Variants in PBLD observed in about 807,000 individuals in gnomAD.
PBLD encodes the protein phenazine biosynthesis-like domain-containing protein.
In PBLD, 26 loss-of-function variants were observed where a neutral mutation model predicts 31.3. The observed-to-expected ratio is 0.83, with a 90% CI of 0.61 to 1.15. PBLD has a LOEUF of 1.15. PBLD is among the 50% of genes most tolerant of loss of function. PBLD has a pLI of 0.00. For synonymous variants in PBLD, 114 were observed against 129.0 expected, an observed-to-expected ratio of 0.88 and a Z score of 0.79; for missense variants, 307 against 351.7, an observed-to-expected ratio of 0.87 and a Z score of 1.02.
At chr10:68,295,079 G>C (rs1017601095) in intron 4 of PBLD, among the ~76,000 whole-genome samples, 4 of 152,114 alleles carry the variant, frequency 2.6e-5, no homozygotes, top group African/African-American at 9.7e-5. Context: ...ACAAGGCCCT[G>C]ATCTTTGTCC....
intron 1 of PBLD, among the ~76,000 whole-genome samples, chr10:68,316,585 A>G (rs2134512365): frequency 6.6e-6 from 1 of 152,322 alleles, no homozygotes; most frequent in Non-Finnish European, 1.5e-5. Context: ...GAAGAAATAA[A>G]TGGTCAAAAA....
chr10:68,296,127 G>A lies in PBLD; in HGVS notation c.283+139C>T, dbSNP rs1589652826. On this transcript the variant is annotated intron_variant, in intron 4 of 9. Transcript: ENST00000358769. ...ATTGAAGGTCGCTGGTTTTGTTTCTGCATTATGAATAGCATGAAGTAAACT... is the reference window on the plus strand; with the variant it reads ...ATTGAAGGTCGCTGGTTTTGTTTCTACATTATGAATAGCATGAAGTAAACT... 6.8e-6 allele frequency: 4 copies of A among 584,842 alleles called. No homozygotes were observed. The East Asian group carries it at 1.2e-4, about 17-fold the overall frequency. 36.2% of individuals were successfully genotyped at this position (584,842 alleles called of 1,614,324 possible). A position where few individuals can be genotyped will look rare whatever the true frequency, so the allele number is the denominator to read the frequency against.
chr10:68,320,210 A>T (rs1351420905), intron 1 of PBLD, among the ~76,000 whole-genome samples: 2 of 152,224 alleles, frequency 1.3e-5, no homozygotes, highest in Non-Finnish European at 2.9e-5. Context: ...ACCAAAAGAG[A>T]GCTGGAGCAG....
chr10:68,286,024 T>C (rs995774784), intron 8 of PBLD, among the ~76,000 whole-genome samples: 1 of 152,106 alleles, frequency 6.6e-6, no homozygotes, highest in African/African-American at 2.4e-5. Context: ...GTTTTAATTC[T>C]TGTCTTGTCT....
intron 2 of PBLD, among the ~76,000 whole-genome samples, chr10:68,299,947 G>A (rs2044483431): frequency 6.6e-6 from 1 of 151,916 alleles, no homozygotes; most frequent in Non-Finnish European, 1.5e-5. Context: ...CTAGAGTGCA[G>A]TGGCACTGTC....
At chr10:68,301,533 A>G (rs2044506102) in intron 2 of PBLD, among the ~76,000 whole-genome samples, 5 of 152,218 alleles carry the variant, frequency 3.3e-5, no homozygotes, top group Admixed American at 3.3e-4. Context: ...CACAAGTCTC[A>G]GTGGTAATCG....
intron 2 of PBLD, 153 bp from the exon 3 acceptor site, chr10:68,297,138 TA>T: frequency 3.1e-6 from 2 of 647,676 alleles, no homozygotes; most frequent in South Asian, 1.9e-5. Context: ...GGCACTTTTA[TA>T]AAGATTGGTT....
intron 1 of PBLD, among the ~76,000 whole-genome samples, chr10:68,308,306 T>G (rs1017673679): frequency 6.6e-6 from 1 of 152,232 alleles, no homozygotes; most frequent in Non-Finnish European, 1.5e-5. Context: ...ATTTTTCACT[T>G]GTAAAGATAA....
chr10:68,307,059 T>C (rs1486110006), intron 1 of PBLD, among the ~76,000 whole-genome samples, 156 bp from the exon 2 acceptor site: 1 of 152,138 alleles, frequency 6.6e-6, no homozygotes, highest in East Asian at 1.9e-4. Flanking sequence ...GATGGAGTCT[T>C]GCTCTGTTGC....
chr10:68,293,183 T>C (rs2044382081), intron 4 of PBLD, among the ~76,000 whole-genome samples: 1 of 152,210 alleles, frequency 6.6e-6, no homozygotes, highest in Non-Finnish European at 1.5e-5. Flanking sequence ...ATACAGATTT[T>C]AAAATATCCA....
chr10:68,283,983 GTGATCCAC>G lies in PBLD; in HGVS notation c.*186_*193del, dbSNP rs1201587393. On this transcript the variant is annotated 3_prime_UTR_variant, in exon 10 of 10. Transcript: ENST00000358769. ...GCTGGTGTCGAACCCCTGACCTCAGGTGATCCACCCACCTTGGCCTCTCAAAGTGCTAC... is the reference window on the plus strand; with the variant it reads ...GCTGGTGTCGAACCCCTGACCTCAGGCCACCTTGGCCTCTCAAAGTGCTAC... 2.4e-5 allele frequency: 11 copies of G among 466,446 alleles called. No individual in the cohort carries two copies. The highest frequency in any genetic ancestry group is 2.2e-4 in the African/African-American group (11 of 50,490). 28.9% of individuals were successfully genotyped at this position (466,446 alleles called of 1,614,324 possible).
chr10:68,308,057 G>A (rs192788850), intron 1 of PBLD, among the ~76,000 whole-genome samples: 1 of 152,158 alleles, frequency 6.6e-6, no homozygotes, highest in Non-Finnish European at 1.5e-5. Flanking sequence ...TATTCACAGA[G>A]GATAGATCCC....
intron 2 of PBLD, among the ~76,000 whole-genome samples, chr10:68,303,004 T>C (rs1406291216): frequency 6.6e-6 from 1 of 152,172 alleles, no homozygotes. Context: ...TCCATGTTTC[T>C]ACAAGGTCTT....
intron 1 of PBLD, among the ~76,000 whole-genome samples, chr10:68,330,176 T>C (rs755711725): frequency 3.3e-5 from 5 of 152,126 alleles, no homozygotes; most frequent in African/African-American, 7.2e-5. Flanking sequence ...GAGTGGGCCA[T>C]TGGGGGTATG....
rs2044367178 is a variant in PBLD at position 68,292,132 on chromosome 10, G to A, written c.390C>T (p.Pro130=). 1.2e-6 allele frequency: 2 copies of A among 1,612,250 alleles called. No individual in the cohort carries two copies. The highest frequency in any genetic ancestry group is 2.7e-5 in the African/African-American group (2 of 74,894). Residue 130 remains proline, a synonymous_variant, in exon 5 of 10, where the codon CCC becomes CCT. Transcript: ENST00000358769. Reference sequence around the variant, plus strand: ...GCAATAATTACAAAGAGCTGACCTGGGGGTGGGCTGGATAAAGAGGCAAGT... The same window carrying A: ...GCAATAATTACAAAGAGCTGACCTGAGGGTGGGCTGGATAAAGAGGCAAGT... ...VLDLPLYPAH[P]QDFHEVEDLI...
intron 2 of PBLD, among the ~76,000 whole-genome samples, chr10:68,298,795 T>C (rs1395396666): frequency 1.7e-4 from 23 of 137,688 alleles, no homozygotes; most frequent in African/African-American, 6.5e-4. Flanking sequence ...CACACACACA[T>C]TCCTCTTAAC....
rs553855470 is a variant in PBLD, at chr10:68,311,056, T to C, written c.-59-4153A>G. On this transcript the variant is annotated intron_variant, in intron 1 of 9. Coordinates refer to ENST00000358769, the MANE Select transcript of PBLD (RefSeq NM_022129.4). ...ATCTCATGTAATTTATTAAATACCC[T>C]ACTGAAAGTAAAAAGCAAAATGGTT... is the stretch of plus-strand genomic sequence containing the variant. Among the ~76,000 whole-genome samples, 15 of 152,290 alleles carry C rather than the reference T, an allele frequency of 9.8e-5. No individual in the cohort carries two copies. In the South Asian group the frequency reaches 3.1e-3, roughly 32 times the overall value.
intron 7 of PBLD, 65 bp from the exon 8 acceptor site, chr10:68,288,726 G>C: frequency 6.5e-7 from 1 of 1,543,394 alleles, no homozygotes; most frequent in South Asian, 1.2e-5. Context: ...CACAGACTCT[G>C]TGAAGCAGGC....
At chr10:68,315,521 G>T (rs1356604751) in intron 1 of PBLD, among the ~76,000 whole-genome samples, 1 of 151,198 alleles carries the variant, frequency 6.6e-6, no homozygotes, top group African/African-American at 2.4e-5. Context: ...GGAGGTGGAG[G>T]TTACAGTGAG....
Sources: gnomAD v4.1 joint callset for allele counts (sites outside exome capture counted in the v4.1 genomes callset) on GRCh38, gnomAD v4.1.1 for gene constraint, MANE v1.5 for transcripts, NCBI Gene and HGNC (gene_info 2026-07-23, HGNC 2026-07-21) for gene names.